Variants in MOSPD2 observed in about 807,000 individuals in gnomAD.
The protein encoded by MOSPD2 is motile sperm domain-containing protein 2.
A neutral mutation model predicts 41.7 loss-of-function variants in MOSPD2; 5 were observed. The ratio of observed to expected loss-of-function variants is 0.12; its 90% CI spans 0.06 to 0.25. MOSPD2 has a LOEUF of 0.25. Among genes scored for constraint, MOSPD2 ranks in the 10% least tolerant of loss-of-function variants. MOSPD2 has a pLI of 1.00. For synonymous variants in MOSPD2, 115 were observed against 126.9 expected (o/e 0.91, Z 0.63); for missense variants, 282 against 375.2 (o/e 0.75, Z 2.05).
chrX:14,921,146 TGAAA>T lies in MOSPD2; in HGVS notation c.*1342_*1345del, dbSNP rs1330021767. On this transcript the variant is annotated 3_prime_UTR_variant, in exon 15 of 15. Coordinates refer to ENST00000380492, the MANE Select transcript of MOSPD2 (RefSeq NM_152581.4). ...GGTTCACATGTACATCTACTTTATA[TGAAA>T]GAAAAAACAGTTGTCTGCCTGTAAA... 3 of 873,336 alleles carry T rather than the reference TGAAA, an allele frequency of 3.4e-6. No individual in the cohort carries two copies. Among genetic ancestry groups the T allele is most frequent in the Non-Finnish European group, 4.2e-6 (3 of 716,031 alleles). 72.0% of individuals were successfully genotyped at this position (873,336 alleles called of 1,213,427 possible).
rs1216234669 is a variant in MOSPD2, at chrX:14,912,351, C to T, written c.982C>T (p.Leu328=). Residue 328 remains leucine (L), a synonymous_variant, in exon 10 of 15, where the codon CTA becomes TTA. Transcript: ENST00000380492. ...ATTGAGTGTATTTAAAGGCCCCTTA[C>T]TACACATCAGGTAATCGTCAAAGAT... ...KPLSVFKGPL[L]HISPAEELYF... The T allele has an allele frequency of 5.4e-6, 6 of 1,117,217 alleles. No homozygotes were observed. The African/African-American group carries it at 9.3e-5, about 17-fold the overall frequency. The allele number at this position is 1,117,217 out of a possible 1,213,427, so 92.1% of individuals were successfully genotyped here. A position where few individuals can be genotyped will look rare whatever the true frequency, so the allele number is the denominator to read the frequency against.
At chrX:14,878,472 T>C in intron 2 of MOSPD2, among the ~76,000 whole-genome samples, 1 of 111,852 alleles carries the variant, frequency 8.9e-6, no homozygotes, top group Admixed American at 9.4e-5. Context: ...ATTTGTAGTT[T>C]AAACATTTTT....
chrX:14,903,632 G>T (rs757522481), intron 7 of MOSPD2, among the ~76,000 whole-genome samples: 1 of 112,034 alleles, frequency 8.9e-6, no homozygotes, highest in Non-Finnish European at 1.9e-5. Flanking sequence ...TAAAATTACT[G>T]TAAATTGAAT....
chrX:14,879,337 C>A (rs926097098), intron 2 of MOSPD2, among the ~76,000 whole-genome samples: 5 of 111,543 alleles, frequency 4.5e-5, no homozygotes, highest in Admixed American at 2.9e-4. Context: ...TTCCTTGAGA[C>A]GTTGCAAGGA....
chrX:14,883,176 A>G (rs1006379526), intron 2 of MOSPD2, among the ~76,000 whole-genome samples: 1 of 110,383 alleles, frequency 9.1e-6, no homozygotes, highest in African/African-American at 3.3e-5. Flanking sequence ...CCTGGGCAAC[A>G]GAGTGAGACT....
chrX:14,910,827 T>C (rs1419465388), intron 8 of MOSPD2, among the ~76,000 whole-genome samples: 1 of 111,424 alleles, frequency 9.0e-6, no homozygotes, highest in East Asian at 2.8e-4. Context: ...TTATAGGTGA[T>C]GTTGAAAACT....
intron 7 of MOSPD2, among the ~76,000 whole-genome samples, chrX:14,903,389 AG>A (rs1184678213): frequency 1.8e-5 from 2 of 111,187 alleles, no homozygotes; most frequent in Non-Finnish European, 3.8e-5. Context: ...TCAACCATTA[AG>A]GTAATACTCT....
intron 10 of MOSPD2, among the ~76,000 whole-genome samples, chrX:14,913,700 A>AT (rs1486574026): frequency 2.8e-4 from 31 of 112,086 alleles, no homozygotes; most frequent in African/African-American, 9.7e-4. Context: ...AAATTAACCT[A>AT]TTTAAAGATG....
intron 2 of MOSPD2, 26 bp from the exon 3 acceptor site, chrX:14,892,697 G>T (rs1284815185): frequency 8.7e-7 from 1 of 1,150,999 alleles, no homozygotes; most frequent in Non-Finnish European, 1.2e-6. Context: ...ATCTGACTTG[G>T]ATGTTTATTA....
At chrX:14,879,687 G>T (rs1171519049) in intron 2 of MOSPD2, among the ~76,000 whole-genome samples, 1 of 111,774 alleles carries the variant, frequency 8.9e-6, no homozygotes, top group African/African-American at 3.3e-5. Context: ...AAATGAGTAG[G>T]TGGTAGAATA....
intron 2 of MOSPD2, among the ~76,000 whole-genome samples, chrX:14,878,770 A>G (rs946243057): frequency 1.8e-5 from 2 of 111,940 alleles, no homozygotes; most frequent in African/African-American, 6.5e-5. Context: ...ACATATGTAT[A>G]CATGCGCCAT....
chrX:14,913,040 C>G (rs1005031328), intron 10 of MOSPD2, among the ~76,000 whole-genome samples: 2 of 111,856 alleles, frequency 1.8e-5, no homozygotes, highest in African/African-American at 6.5e-5. Flanking sequence ...ATCTGACATT[C>G]TCTAATTGAT....
At chrX:14,898,729 G>C (rs943693775) in intron 5 of MOSPD2, among the ~76,000 whole-genome samples, 14 of 111,449 alleles carry the variant, frequency 1.3e-4, no homozygotes, top group African/African-American at 4.6e-4. Context: ...CAAGTATAAG[G>C]ACAGAGAATT....
In MOSPD2 at chrX:14,918,721, T is replaced by C; in HGVS notation, c.1358T>C (p.Leu453Pro). The change falls in exon 14 of 15, where the codon CTT (leucine) becomes CCT (proline). Residue 453 changes from leucine (L) to proline (P), a missense_variant. By Grantham distance (98) the Leu-to-Pro change is moderately conservative. This residue lies in a region of MOSPD2 where 94 missense variants were observed against 102.1 expected (regional missense o/e 0.92). Coordinates refer to ENST00000380492, the MANE Select transcript of MOSPD2 (RefSeq NM_152581.4). ...HTVESSKPNT[L>P]TLKDNAFNMS... Reference sequence around the variant, plus strand: ...GTTGAAAGCAGTAAACCAAACACTCTTACGTTAAAAGACAATGCTTTCAAT... The same window carrying C: ...GTTGAAAGCAGTAAACCAAACACTCCTACGTTAAAAGACAATGCTTTCAAT... 8.3e-7 allele frequency: 1 copy of C among 1,203,704 alleles called. No individual in the cohort carries two copies. Among genetic ancestry groups the C allele is most frequent in the Non-Finnish European group, 1.1e-6 (1 of 888,552 alleles).
intron 6 of MOSPD2, among the ~76,000 whole-genome samples, chrX:14,901,105 C>T (rs1027865433): frequency 8.9e-6 from 1 of 111,761 alleles, no homozygotes; most frequent in Non-Finnish European, 1.9e-5. Context: ...TAAAAATTGT[C>T]ATTAAGAAAA....
At chrX:14,878,394 A>C (rs1302740908) in intron 2 of MOSPD2, among the ~76,000 whole-genome samples, 1 of 112,192 alleles carries the variant, frequency 8.9e-6, no homozygotes, top group African/African-American at 3.2e-5. Context: ...GTTATTTCTT[A>C]ACTGATGGTT....
chrX:14,900,656 T>TA (rs761602163), intron 6 of MOSPD2, 21 bp downstream of exon 6: 10 of 842,302 alleles, frequency 1.2e-5, no homozygotes, highest in South Asian at 2.7e-5. Context: ...TACTCCTTTA[T>TA]AAAAAATATA....
At chrX:14,901,966 TTA>T (rs760567070) in intron 6 of MOSPD2, among the ~76,000 whole-genome samples, 34 of 106,765 alleles carry the variant, frequency 3.2e-4, no homozygotes, top group Non-Finnish European at 3.9e-4. Flanking sequence ...ACTAGAGATT[TTA>T]TATATATATA....
chrX:14,915,106 C>T lies in MOSPD2; in HGVS notation c.1089+507C>T, dbSNP rs1413864478. Among the ~76,000 whole-genome samples, 7 of 111,548 alleles carry T rather than the reference C, an allele frequency of 6.3e-5. No individual in the cohort carries two copies. The Admixed American group carries it at 6.7e-4, about 11-fold the overall frequency. ...TTCTATTTAATTTAGATGTAACTACCAGGATGTTCCTGATGTGCTTTGATT... is the reference window on the plus strand; with the variant it reads ...TTCTATTTAATTTAGATGTAACTACTAGGATGTTCCTGATGTGCTTTGATT... On this transcript the variant is annotated intron_variant, in intron 11 of 14. Transcript: ENST00000380492.
Sources: gnomAD v4.1 joint callset for allele counts (sites outside exome capture counted in the v4.1 genomes callset) on GRCh38, gnomAD v4.1.1 for gene constraint, gnomAD v4.1.1 regional missense constraint, MANE v1.5 for transcripts, NCBI Gene and HGNC (gene_info 2026-07-23, HGNC 2026-07-21) for gene names.